DST: variants seen among roughly 807,000 people sequenced by gnomAD.
DST encodes the protein bullous pemphigoid antigen.
In DST, 253 loss-of-function variants were observed where a neutral mutation model predicts 875.2. That is an observed-to-expected ratio of 0.29 (90% CI 0.26 to 0.32). DST has a LOEUF of 0.32. Among genes scored for constraint, DST ranks in the 10% least tolerant of loss-of-function variants. The probability of loss-of-function intolerance (pLI) is 1.00; values close to 1 mark genes in which losing one functional copy is unlikely to be tolerated. For synonymous variants in DST, 3,124 were observed against 3,197.1 expected, an observed-to-expected ratio of 0.98 and a Z score of 0.77; for missense variants, 8,287 against 9,111.6, an observed-to-expected ratio of 0.91 and a Z score of 3.68.
intron 4 of DST, among the ~76,000 whole-genome samples, chr6:56,761,348 C>A (rs934819595): frequency 3.3e-5 from 5 of 152,178 alleles, no homozygotes; most frequent in African/African-American, 1.2e-4. Context: ...AATTGTTATA[C>A]GGCTAGAAAT....
At chr6:56,939,795 C>G (rs9464410) in intron 2 of DST, among the ~76,000 whole-genome samples, 4,396 of 152,080 alleles carry the variant, frequency 0.029, 203 homozygotes, top group African/African-American at 0.099. Context: ...GAGGCCGAGG[C>G]GGCTGGATCA....
intron 95 of DST, 128 bp downstream of exon 95, chr6:56,470,978 C>T (rs982191598): frequency 1.4e-5 from 14 of 984,118 alleles, no homozygotes; most frequent in African/African-American, 1.3e-4. Context: ...TTTTAAGGGT[C>T]GTGACTTCCT....
At chr6:56,849,405 G>A (rs1027584757) in intron 4 of DST, among the ~76,000 whole-genome samples, 1 of 152,120 alleles carries the variant, frequency 6.6e-6, no homozygotes, top group Non-Finnish European at 1.5e-5. Flanking sequence ...AAAGTGCTGG[G>A]ATTACAGGCA....
intron 77 of DST, 143 bp downstream of exon 77, chr6:56,506,300 G>A: frequency 3.3e-6 from 2 of 601,386 alleles, no homozygotes; most frequent in Admixed American, 3.2e-5. Context: ...AACATGAAAT[G>A]AGATACACAG....
intron 82 of DST, 122 bp from the exon 83 acceptor site, chr6:56,494,302 C>A (rs957600827): frequency 1.7e-5 from 14 of 820,366 alleles, no homozygotes; most frequent in Middle Eastern, 2.9e-4. Flanking sequence ...TCTCTCAGGG[C>A]AACCTTGACG....
At position 56,605,092 on chromosome 6, in the gene DST, T is replaced by C; in HGVS notation, c.9536A>G (p.Asp3179Gly). ...ACAATGTTTTAAGTAAGTAAACAGA[T>C]CAAGCTCTTTCTCAGGTCCATCAGT... ...SFTDGPEKEL[D>G]LFTYLKHCAK... The change falls in exon 40 of 104, where the codon GAT (aspartate) becomes GGT (glycine). Residue 3179 changes from aspartate (D) to glycine (G), a missense_variant. Asp to Gly is a moderately conservative substitution (Grantham distance 94, BLOSUM62 -1). Coordinates refer to ENST00000680361, the MANE Select transcript of DST (RefSeq NM_001374736.1). 1.2e-6 allele frequency: 2 copies of C among 1,612,798 alleles called. No homozygotes were observed. Among genetic ancestry groups the C allele is most frequent in the Non-Finnish European group, 1.7e-6 (2 of 1,179,330 alleles).
intron 2 of DST, among the ~76,000 whole-genome samples, chr6:56,931,712 G>A (rs780289054): frequency 4.6e-5 from 7 of 152,166 alleles, no homozygotes; most frequent in Non-Finnish European, 7.3e-5. Context: ...AGATCATTTC[G>A]GAGCTTTAAA....
At chr6:56,615,407 G>A in intron 36 of DST, 3 of 1,563,074 alleles carry the variant, frequency 1.9e-6, no homozygotes, top group Middle Eastern at 1.7e-4. Flanking sequence ...AAGAAATAGA[G>A]TATGTTACAT....
chr6:56,824,672 G>A (rs2099777461), intron 4 of DST, among the ~76,000 whole-genome samples: 1 of 152,080 alleles, frequency 6.6e-6, no homozygotes, highest in Admixed American at 6.5e-5. Flanking sequence ...CGTCTGGGAG[G>A]TGAGGAGCGT....
rs774569802 is a variant in DST at position 56,606,317 on chromosome 6, C to T, written c.8311G>A (p.Glu2771Lys). 5 of 1,609,120 alleles carry T rather than the reference C, an allele frequency of 3.1e-6. No individual in the cohort carries two copies. In the South Asian group the frequency reaches 5.5e-5, roughly 18 times the overall value. The change falls in exon 40 of 104, where the codon GAG becomes AAG. Residue 2771 changes from glutamate to lysine, a missense_variant. By Grantham distance (56) the Glu-to-Lys change is moderately conservative (BLOSUM62 1). Coordinates refer to ENST00000680361, the MANE Select transcript of DST (RefSeq NM_001374736.1). ...TGAAATTCCTGTCCAGTTACATACT[C>T]TTCCTTTCTTCCTCTCCAACTGCCA... ...DSGSWRGRKE[E>K]YVTGQEFHSD...
At chr6:56,719,058 A>G (rs1003686200) in intron 5 of DST, among the ~76,000 whole-genome samples, 1 of 152,206 alleles carries the variant, frequency 6.6e-6, no homozygotes, top group Non-Finnish European at 1.5e-5. Context: ...AATTATCTCA[A>G]TAAAGCTGAG....
At chr6:56,581,462 A>C (rs902191842) in intron 49 of DST, among the ~76,000 whole-genome samples, 7 of 152,168 alleles carry the variant, frequency 4.6e-5, no homozygotes, top group Admixed American at 6.6e-5. Flanking sequence ...ATGTAAACTG[A>C]AAGACTAATG....
chr6:56,561,581 A>G (rs1217686911), intron 56 of DST, 32 bp from the exon 57 acceptor site: 5 of 1,580,292 alleles, frequency 3.2e-6, no homozygotes, highest in Admixed American at 3.7e-5. Context: ...ATACTGACAC[A>G]TTTTCAGGAC....
intron 4 of DST, among the ~76,000 whole-genome samples, chr6:56,781,016 G>T (rs561670033): frequency 1.3e-5 from 2 of 151,956 alleles, no homozygotes; most frequent in African/African-American, 4.8e-5. Flanking sequence ...TCTCAGGTTT[G>T]TCAAAGATCA....
intron 3 of DST, among the ~76,000 whole-genome samples, chr6:56,852,618 C>T (rs1055825676): frequency 3.3e-5 from 5 of 152,334 alleles, no homozygotes; most frequent in Non-Finnish European, 5.9e-5. Context: ...TACAGAGCCA[C>T]TGGCTTACTA....
At position 56,607,643 on chromosome 6, in the gene DST, C is replaced by G. The variant is rs1423139108; in HGVS notation, c.6985G>C (p.Asp2329His). ...SGKLASTISI[D>H]PKVNSSPSVC... ...CTGGGTGAACTGTTAACTTTAGGAT[C>G]AATTGATATTGTACTTGCCAGTTTT... Residue 2329 changes from aspartate (D) to histidine (H), a missense_variant, in exon 40 of 104, where the codon GAT becomes CAT. Physicochemically the swap from Asp to His is moderately conservative, Grantham distance 81. Coordinates refer to ENST00000680361, the MANE Select transcript of DST (RefSeq NM_001374736.1). 1 of 1,613,298 alleles carries G rather than the reference C, an allele frequency of 6.2e-7. No homozygotes were observed. Among genetic ancestry groups the G allele is most frequent in the East Asian group, 2.2e-5 (1 of 44,842 alleles).
Position 56,465,447 on chromosome 6 carries a change from G to A in DST, c.22687+631C>T, listed in dbSNP as rs984399615. Among the ~76,000 whole-genome samples the A allele has an allele frequency of 5.3e-5, 8 of 152,230 alleles. No homozygotes were observed. The East Asian group carries it at 7.7e-4, about 15-fold the overall frequency. ...TTGCAATCAAATGACCACGTGTAAC[G>A]TAAATTGGTTGAGAACTTAAAAATT... On this transcript the variant is annotated intron_variant, in intron 99 of 103. Coordinates refer to ENST00000680361, the MANE Select transcript of DST (RefSeq NM_001374736.1).
intron 4 of DST, among the ~76,000 whole-genome samples, chr6:56,821,831 T>G (rs1459177399): frequency 6.6e-6 from 1 of 152,176 alleles, no homozygotes; most frequent in East Asian, 1.9e-4. Flanking sequence ...TTAATATTTT[T>G]AGGGTTAGCT....
intron 38 of DST, among the ~76,000 whole-genome samples, chr6:56,610,914 A>G (rs1356853004): frequency 2.0e-5 from 3 of 152,176 alleles, no homozygotes; most frequent in Admixed American, 6.5e-5. Context: ...TCAAGATGAA[A>G]CTTGTTTAGA....
Sources: gnomAD v4.1 joint callset for allele counts (sites outside exome capture counted in the v4.1 genomes callset) on GRCh38, gnomAD v4.1.1 for gene constraint, MANE v1.5 for transcripts, NCBI Gene and HGNC (gene_info 2026-07-23, HGNC 2026-07-21) for gene names.